The following KCNC2 variants were observed in gnomAD, a reference collection of about 807,000 sequenced individuals.
KCNC2 encodes potassium voltage-gated channel subfamily C member 2.
KCNC2 carries 21 observed loss-of-function variants against 44.5 expected under a neutral mutation model. That is an observed-to-expected ratio of 0.47 (90% confidence interval 0.33 to 0.68). The LOEUF is 0.68. Among genes scored for constraint, KCNC2 ranks in the 30% least tolerant of loss-of-function variants. The pLI is 0.01. For synonymous variants in KCNC2, 391 were observed against 339.1 expected, an observed-to-expected ratio of 1.15 and a Z score of -1.68; for missense variants, 589 against 826.2, an observed-to-expected ratio of 0.71 and a Z score of 3.52.
At chr12:75,116,398 C>T (rs1278561813) in intron 2 of KCNC2, among the ~76,000 whole-genome samples, 1 of 151,958 alleles carries the variant, frequency 6.6e-6, no homozygotes, top group Non-Finnish European at 1.5e-5. Flanking sequence ...AAGGGAAATA[C>T]GATTAGACTC....
intron 2 of KCNC2, among the ~76,000 whole-genome samples, chr12:75,154,457 G>A (rs573229307): frequency 1.7e-4 from 26 of 152,068 alleles, no homozygotes; most frequent in African/African-American, 5.5e-4. Flanking sequence ...CAGCCTGATG[G>A]CCTCATGGAG....
chr12:75,176,789 C>T (rs1892214633), intron 2 of KCNC2, among the ~76,000 whole-genome samples: 1 of 151,928 alleles, frequency 6.6e-6, no homozygotes, highest in South Asian at 2.1e-4. Flanking sequence ...ATTAAAATAT[C>T]TGTGACCTTT....
chr12:75,200,707 C>CTTCACTAGTGATTACA (rs141931759), intron 2 of KCNC2, among the ~76,000 whole-genome samples: 3,241 of 151,734 alleles, frequency 0.021, 106 homozygotes, highest in African/African-American at 0.074. Flanking sequence ...TTAAAATAAT[C>CTTCACTAGTGATTACA]TTCACTAGTG....
intron 2 of KCNC2, among the ~76,000 whole-genome samples, chr12:75,081,790 A>C (rs1344138354): frequency 6.6e-6 from 1 of 152,078 alleles, no homozygotes; most frequent in Non-Finnish European, 1.5e-5. Context: ...AAAAAGCGTG[A>C]TGAACATCTG....
At chr12:75,158,660 C>A (rs1401381280) in intron 2 of KCNC2, among the ~76,000 whole-genome samples, 1 of 151,824 alleles carries the variant, frequency 6.6e-6, no homozygotes, top group Non-Finnish European at 1.5e-5. Context: ...GAAACCATAA[C>A]AAGGCTTCAT....
chr12:75,078,401 T>A (rs1300198295), intron 2 of KCNC2, among the ~76,000 whole-genome samples: 1 of 152,168 alleles, frequency 6.6e-6, no homozygotes, highest in African/African-American at 2.4e-5. Flanking sequence ...TGTAAGTCCA[T>A]CTTCTGTAAT....
At chr12:75,093,037 G>T (rs557849802) in intron 2 of KCNC2, among the ~76,000 whole-genome samples, 5 of 148,846 alleles carry the variant, frequency 3.4e-5, no homozygotes, top group African/African-American at 7.4e-5. Flanking sequence ...TTAATCGTTC[G>T]AGTAGCTATC....
At chr12:75,044,607 T>C (rs986535264) in intron 4 of KCNC2, 7 of 151,936 alleles carry the variant, frequency 4.6e-5, no homozygotes, top group African/African-American at 1.7e-4. Context: ...AAGACAGACA[T>C]AGGTATGGAT....
chr12:75,173,962 GT>G (rs1266218644), intron 2 of KCNC2, among the ~76,000 whole-genome samples: 2 of 151,500 alleles, frequency 1.3e-5, no homozygotes, highest in African/African-American at 4.8e-5. Flanking sequence ...GTTTAAAAAG[GT>G]TTTTTCCAAC....
At chr12:75,148,080 A>G (rs915324486) in intron 2 of KCNC2, among the ~76,000 whole-genome samples, 3 of 152,158 alleles carry the variant, frequency 2.0e-5, no homozygotes, top group African/African-American at 7.2e-5. Flanking sequence ...AAGACAGTAC[A>G]TCTCTCTTTT....
intron 2 of KCNC2, among the ~76,000 whole-genome samples, chr12:75,168,318 T>A (rs1285010721): frequency 2.6e-5 from 4 of 151,540 alleles, no homozygotes; most frequent in Non-Finnish European, 5.9e-5. Flanking sequence ...CTTGTCTATA[T>A]GCTAGTTATT....
chr12:75,141,487 T>A (rs2137406189), intron 2 of KCNC2, among the ~76,000 whole-genome samples: 1 of 152,306 alleles, frequency 6.6e-6, no homozygotes, highest in African/African-American at 2.4e-5. Flanking sequence ...GCTGGCACTT[T>A]TCCTAACAGA....
intron 2 of KCNC2, among the ~76,000 whole-genome samples, chr12:75,182,163 A>G (rs1892628199): frequency 6.6e-6 from 1 of 151,842 alleles, no homozygotes; most frequent in African/African-American, 2.4e-5. Context: ...ACTCCATGAC[A>G]ACTGCCTCTG....
intron 2 of KCNC2, among the ~76,000 whole-genome samples, chr12:75,104,675 T>G (rs1374725275): frequency 2.0e-5 from 3 of 152,184 alleles, no homozygotes; most frequent in African/African-American, 7.2e-5. Context: ...CCAGGACCTG[T>G]TCTAAATAGT....
At chr12:75,184,317 A>G (rs1337961011) in intron 2 of KCNC2, among the ~76,000 whole-genome samples, 2 of 152,138 alleles carry the variant, frequency 1.3e-5, no homozygotes, top group African/African-American at 4.8e-5. Flanking sequence ...TATTTTTTAT[A>G]CTATTTAAGA....
chr12:75,041,313 C>T lies in KCNC2; in HGVS notation c.*1792G>A, dbSNP rs1879876847. On this transcript the variant is annotated 3_prime_UTR_variant, in exon 5 of 5. Coordinates refer to ENST00000549446, the MANE Select transcript of KCNC2 (RefSeq NM_139137.4). ...GGTGTTATCAAAAGAATCACTGTGT[C>T]TCTAAATATCATATATGTATGTCTG... is the stretch of plus-strand genomic sequence containing the variant. 1 of 1,505,360 alleles carries T rather than the reference C, an allele frequency of 6.6e-7. No homozygotes were observed. Among genetic ancestry groups the T allele is most frequent in the African/African-American group, 1.4e-5 (1 of 72,484 alleles). 93.3% of individuals were successfully genotyped at this position (1,505,360 alleles called of 1,614,324 possible). A position where few individuals can be genotyped will look rare whatever the true frequency, so the allele number is the denominator to read the frequency against.
chr12:75,045,136 G>A (rs1444749333), intron 4 of KCNC2, among the ~76,000 whole-genome samples: 4 of 152,066 alleles, frequency 2.6e-5, no homozygotes, highest in East Asian at 3.9e-4. Context: ...GATTGGCTTC[G>A]ATTAAAGGCG....
At chr12:75,154,527 C>T (rs911997857) in intron 2 of KCNC2, among the ~76,000 whole-genome samples, 1 of 151,960 alleles carries the variant, frequency 6.6e-6, no homozygotes, top group Non-Finnish European at 1.5e-5. Context: ...GCTTCTAGGA[C>T]TCATCCCCAC....
At position 75,043,436 on chromosome 12, in the gene KCNC2, C is replaced by A. The variant is rs1290412541; in HGVS notation, c.1781-195G>T. 15 of 1,340,428 alleles carry A rather than the reference C, an allele frequency of 1.1e-5. 1 individual carries two copies. The highest frequency in any genetic ancestry group is 1.4e-5 in the Non-Finnish European group (15 of 1,041,080). The allele number at this position is 1,340,428 out of a possible 1,614,324, so 83.0% of individuals were successfully genotyped here. On this transcript the variant is annotated intron_variant, in intron 4 of 4. Transcript: ENST00000549446. ...TAGTTGCCATTTTGAAAAGATTAAA[C>A]CAGCCATCACAAATTATTGTTACAA...
Sources: gnomAD v4.1 joint callset for allele counts (sites outside exome capture counted in the v4.1 genomes callset) on GRCh38, gnomAD v4.1.1 for gene constraint, MANE v1.5 for transcripts, NCBI Gene and HGNC (gene_info 2026-07-23, HGNC 2026-07-21) for gene names.